AIG1: variants seen among roughly 807,000 people sequenced by gnomAD.
AIG1 encodes the protein androgen induced 1.
AIG1 carries 23 observed loss-of-function variants against 31.4 expected under a neutral mutation model. The observed-to-expected ratio is 0.73, with a 90% CI of 0.53 to 1.04. AIG1 has a LOEUF of 1.04. AIG1 is among the 50% of genes least tolerant of loss of function. AIG1 has a pLI of 0.00. For missense variants in AIG1, 274 were observed against 295.0 expected (o/e 0.93, Z 0.52); for synonymous variants, 100 against 110.5 (o/e 0.90, Z 0.60).
At chr6:143,226,002 A>C (rs916756594) in intron 3 of AIG1, among the ~76,000 whole-genome samples, 3 of 152,200 alleles carry the variant, frequency 2.0e-5, no homozygotes, top group African/African-American at 7.2e-5. Context: ...AAACAAAAAA[A>C]ATTGCTCCAG....
intron 1 of AIG1, among the ~76,000 whole-genome samples, chr6:143,069,740 T>G (rs1777080802): frequency 6.6e-6 from 1 of 152,244 alleles, no homozygotes; most frequent in African/African-American, 2.4e-5. Context: ...GCAAATGTTT[T>G]CTTCCTGTCT....
intron 3 of AIG1, among the ~76,000 whole-genome samples, chr6:143,246,522 A>G (rs912885429): frequency 6.6e-6 from 1 of 152,168 alleles, no homozygotes; most frequent in African/African-American, 2.4e-5. Context: ...CTCCCACAAC[A>G]CATGGCAATT....
At chr6:143,209,514 G>T (rs1243391574) in intron 3 of AIG1, among the ~76,000 whole-genome samples, 1 of 152,106 alleles carries the variant, frequency 6.6e-6, no homozygotes, top group Non-Finnish European at 1.5e-5. Flanking sequence ...GTAATATGAT[G>T]TAAAAAAAAC....
At chr6:143,264,810 A>G (rs907508026) in intron 3 of AIG1, among the ~76,000 whole-genome samples, 2 of 152,170 alleles carry the variant, frequency 1.3e-5, no homozygotes, top group Admixed American at 6.5e-5. Context: ...TAAAAAGACC[A>G]TATATCACTG....
downstream of AIG1, chr6:143,343,210 T>C (rs942554479): frequency 2.9e-6 from 2 of 691,460 alleles, no homozygotes; most frequent in Non-Finnish European, 2.7e-6. Context: ...ATGGCAGGAA[T>C]GATCCTGGGA....
chr6:143,296,835 C>G (rs1297616559), intron 4 of AIG1, among the ~76,000 whole-genome samples: 1 of 152,164 alleles, frequency 6.6e-6, no homozygotes, highest in Admixed American at 6.5e-5. Context: ...GTAAGAGAAG[C>G]AACTGGCTTA....
At chr6:143,306,158 A>G (rs1057233676) in intron 4 of AIG1, among the ~76,000 whole-genome samples, 21 of 151,608 alleles carry the variant, frequency 1.4e-4, no homozygotes, top group African/African-American at 5.1e-4. Flanking sequence ...CAGCACACTG[A>G]TGGGTCTTGA....
chr6:143,169,345 G>A (rs1787273429), intron 3 of AIG1, among the ~76,000 whole-genome samples: 1 of 152,044 alleles, frequency 6.6e-6, no homozygotes, highest in African/African-American at 2.4e-5. Context: ...CATAGTTACA[G>A]GGTACAGAGT....
At chr6:143,072,321 T>C (rs1777366321) in intron 1 of AIG1, among the ~76,000 whole-genome samples, 1 of 152,194 alleles carries the variant, frequency 6.6e-6, no homozygotes, top group Non-Finnish European at 1.5e-5. Flanking sequence ...AGCTTTGCTT[T>C]AGATTCTATG....
At chr6:143,208,113 C>T (rs1467818401) in intron 3 of AIG1, among the ~76,000 whole-genome samples, 1 of 152,150 alleles carries the variant, frequency 6.6e-6, no homozygotes, top group Non-Finnish European at 1.5e-5. Flanking sequence ...GTAAGACTGG[C>T]CTCCTTGAAT....
chr6:143,155,879 G>T (rs1785697322), intron 2 of AIG1, among the ~76,000 whole-genome samples: 1 of 152,150 alleles, frequency 6.6e-6, no homozygotes, highest in Non-Finnish European at 1.5e-5. Context: ...GAGCCATTGG[G>T]ACTTCTGAGC....
At chr6:143,190,355 G>A (rs1789679497) in intron 3 of AIG1, 2 of 985,288 alleles carry the variant, frequency 2.0e-6, no homozygotes, top group Non-Finnish European at 1.2e-6. Context: ...TCATGCCCTT[G>A]CTCTCCCACT....
chr6:143,187,668 C>A (rs778000532), intron 3 of AIG1: 72 of 1,535,968 alleles, frequency 4.7e-5, no homozygotes, highest in Non-Finnish European at 5.5e-5. Flanking sequence ...GCTTTTCAAA[C>A]GCCCATCTGA....
At chr6:143,241,725 G>A (rs547900833) in intron 3 of AIG1, among the ~76,000 whole-genome samples, 19 of 152,186 alleles carry the variant, frequency 1.2e-4, no homozygotes, top group South Asian at 2.1e-4. Context: ...AATGCAAGTC[G>A]AGCATCCCTA....
chr6:143,212,697 G>C (rs1416006167), intron 3 of AIG1, among the ~76,000 whole-genome samples: 5 of 152,138 alleles, frequency 3.3e-5, no homozygotes, highest in African/African-American at 9.7e-5. Flanking sequence ...GAGGTAAAAC[G>C]TATGAGTGTA....
chr6:143,161,081 G>A (rs528977836), intron 2 of AIG1, among the ~76,000 whole-genome samples: 103 of 152,222 alleles, frequency 6.8e-4, no homozygotes, highest in Admixed American at 2.0e-3. Context: ...CTGATTCATA[G>A]CATTTGCCAG....
intron 1 of AIG1, among the ~76,000 whole-genome samples, chr6:143,094,989 G>A (rs571425084): frequency 1.3e-5 from 2 of 152,192 alleles, no homozygotes; most frequent in African/African-American, 4.8e-5. Flanking sequence ...GTTGAAAAGG[G>A]GAGTGGATGA....
intron 1 of AIG1, among the ~76,000 whole-genome samples, chr6:143,128,708 G>T (rs116183937): frequency 3.9e-5 from 6 of 152,300 alleles, no homozygotes; most frequent in African/African-American, 1.4e-4. Flanking sequence ...TGGTCAGCAG[G>T]ATTCATGTAG....
chr6:143,302,074 G>C (rs920937805), intron 4 of AIG1, among the ~76,000 whole-genome samples: 3 of 151,804 alleles, frequency 2.0e-5, no homozygotes, highest in Non-Finnish European at 2.9e-5. Flanking sequence ...CATTAATGCT[G>C]AATCTTATGA....
Sources: allele counts gnomAD v4.1 joint callset (sites outside exome capture counted in the v4.1 genomes callset), GRCh38; gene constraint gnomAD v4.1.1; transcripts MANE v1.5; gene names NCBI Gene and HGNC (gene_info 2026-07-23, HGNC 2026-07-21).